TIAM1: variants seen among roughly 807,000 people sequenced by gnomAD.
The protein encoded by TIAM1 is rho guanine nucleotide exchange factor TIAM1.
Under a neutral mutation model 163.5 loss-of-function variants are expected in TIAM1, and 65 were observed. The observed-to-expected ratio is 0.40, with a 90% CI of 0.33 to 0.49. The LOEUF (loss-of-function observed/expected upper bound fraction) is 0.49. Among genes scored for constraint, TIAM1 ranks in the 20% least tolerant of loss-of-function variants. TIAM1 has a pLI of 0.77. For synonymous variants in TIAM1, 833 were observed against 810.1 expected, an observed-to-expected ratio of 1.03 and a Z score of -0.48; for missense variants, 1,789 against 2,044.7, an observed-to-expected ratio of 0.87 and a Z score of 2.41.
intron 11 of TIAM1, among the ~76,000 whole-genome samples, chr21:31,208,792 T>C (rs2086577681): frequency 6.6e-6 from 1 of 152,162 alleles, no homozygotes; most frequent in Non-Finnish European, 1.5e-5. Flanking sequence ...TTTTTGAAAA[T>C]ACAAAAATTG....
chr21:31,448,204 C>A (rs1053028170), intron 2 of TIAM1, among the ~76,000 whole-genome samples: 2 of 152,194 alleles, frequency 1.3e-5, no homozygotes, highest in African/African-American at 4.8e-5. Flanking sequence ...AATTAACCAT[C>A]ACAGCAGTCA....
At chr21:31,379,508 AG>A (rs1222533248) in intron 2 of TIAM1, among the ~76,000 whole-genome samples, 6 of 152,092 alleles carry the variant, frequency 3.9e-5, no homozygotes, top group Non-Finnish European at 7.4e-5. Context: ...AATGGATAAT[AG>A]AAGACCCAGT....
chr21:31,290,648 A>G (rs1214766399), intron 2 of TIAM1, among the ~76,000 whole-genome samples: 4 of 29,478 alleles, frequency 1.4e-4, no homozygotes, highest in East Asian at 3.9e-3. Context: ...CTCTATCTCA[A>G]AAAAAAAAAA....
chr21:31,285,282 G>C (rs1297267691), intron 2 of TIAM1, among the ~76,000 whole-genome samples: 1 of 152,174 alleles, frequency 6.6e-6, no homozygotes, highest in Non-Finnish European at 1.5e-5. Context: ...GGGGCGGTGA[G>C]GCCATGAACT....
intron 2 of TIAM1, among the ~76,000 whole-genome samples, chr21:31,447,109 C>T (rs2044654299): frequency 6.6e-6 from 1 of 152,040 alleles, no homozygotes; most frequent in Non-Finnish European, 1.5e-5. Context: ...GAAAAGTAGG[C>T]CAGACACAGT....
At chr21:31,474,667 T>A (rs1365705813) in intron 1 of TIAM1, among the ~76,000 whole-genome samples, 4 of 151,422 alleles carry the variant, frequency 2.6e-5, no homozygotes, top group African/African-American at 9.7e-5. Context: ...TGCCTCAGCC[T>A]CCCGAGTAGC....
chr21:31,282,204 C>T (rs550489958), intron 2 of TIAM1, among the ~76,000 whole-genome samples: 2 of 152,302 alleles, frequency 1.3e-5, no homozygotes, highest in African/African-American at 2.4e-5. Flanking sequence ...TCTTGGTACT[C>T]GGATCAAACA....
intron 2 of TIAM1, among the ~76,000 whole-genome samples, chr21:31,290,920 C>T (rs1008791359): frequency 6.6e-6 from 1 of 152,156 alleles, no homozygotes; most frequent in Non-Finnish European, 1.5e-5. Flanking sequence ...TATCCTCTGG[C>T]TCCTCTGAAA....
At chr21:31,537,442 CAAAAAA>C (rs10578615) in intron 1 of TIAM1, among the ~76,000 whole-genome samples, 2 of 132,556 alleles carry the variant, frequency 1.5e-5, no homozygotes, top group African/African-American at 5.6e-5. Context: ...CAAGAAATCG[CAAAAAA>C]AAAAAAAAAA....
At chr21:31,215,141 G>C (rs2087109525) in intron 9 of TIAM1, among the ~76,000 whole-genome samples, 1 of 152,006 alleles carries the variant, frequency 6.6e-6, no homozygotes, top group Non-Finnish European at 1.5e-5. Context: ...CAGTAGAAAA[G>C]GGCGGTAACA....
intron 2 of TIAM1, among the ~76,000 whole-genome samples, chr21:31,416,045 T>C (rs1049918173): frequency 5.9e-5 from 9 of 152,214 alleles, no homozygotes; most frequent in African/African-American, 2.2e-4. Flanking sequence ...TTTCAGTGGC[T>C]TTAACTTTCT....
At chr21:31,384,488 T>A (rs144221672) in intron 2 of TIAM1, among the ~76,000 whole-genome samples, 2 of 151,772 alleles carry the variant, frequency 1.3e-5, no homozygotes, top group African/African-American at 4.8e-5. Context: ...GGTGGGAGGA[T>A]TGTTTGAGCA....
intron 9 of TIAM1, among the ~76,000 whole-genome samples, chr21:31,214,605 C>T (rs1032639480): frequency 6.6e-6 from 1 of 151,952 alleles, no homozygotes; most frequent in Non-Finnish European, 1.5e-5. Context: ...GAAATGTAAT[C>T]AATCCTGCTA....
chr21:31,464,003 G>A (rs2045431018), exon 2 of TIAM1: 1 of 152,164 alleles, frequency 6.6e-6, no homozygotes, highest in Admixed American at 6.5e-5. Flanking sequence ...TCAGGCTTCT[G>A]AAGCTGTTTA....
intron 12 of TIAM1, among the ~76,000 whole-genome samples, chr21:31,201,565 C>T (rs2086201834): frequency 6.6e-6 from 1 of 152,148 alleles, no homozygotes; most frequent in Non-Finnish European, 1.5e-5. Flanking sequence ...GGATTGTGTC[C>T]TTAAAGTTGG....
chr21:31,497,110 G>A (rs1184333444), intron 1 of TIAM1, among the ~76,000 whole-genome samples: 2 of 152,172 alleles, frequency 1.3e-5, no homozygotes, highest in Non-Finnish European at 1.5e-5. Flanking sequence ...CCATTGACCG[G>A]TATCGGTCAG....
At chr21:31,521,778 A>ACAC (rs56988265) in intron 1 of TIAM1, among the ~76,000 whole-genome samples, 1 of 151,072 alleles carries the variant, frequency 6.6e-6, no homozygotes, top group Non-Finnish European at 1.5e-5. Flanking sequence ...ACACACACAC[A>ACAC]AAGTAAAGGA....
chr21:31,341,553 G>A (rs1380561663), intron 1 of TIAM1, among the ~76,000 whole-genome samples: 2 of 152,202 alleles, frequency 1.3e-5, no homozygotes, highest in Non-Finnish European at 2.9e-5. Flanking sequence ...TAAATTACCA[G>A]TAAGTCTTAT....
intron 2 of TIAM1, among the ~76,000 whole-genome samples, chr21:31,405,292 G>A (rs575533392): frequency 6.6e-6 from 1 of 151,984 alleles, no homozygotes; most frequent in East Asian, 1.9e-4. Context: ...AAACTTGCAG[G>A]TACAATTCAG....
Sources: gnomAD v4.1 joint callset for allele counts (sites outside exome capture counted in the v4.1 genomes callset) on GRCh38, gnomAD v4.1.1 for gene constraint, MANE v1.5 for transcripts, NCBI Gene and HGNC (gene_info 2026-07-23, HGNC 2026-07-21) for gene names.